The following COL14A1 variants were observed in gnomAD, a reference collection of about 807,000 sequenced individuals.
COL14A1 encodes collagen alpha-1(XIV) chain.
A neutral mutation model predicts 230.3 loss-of-function variants in COL14A1; 136 were observed. The ratio of observed to expected loss-of-function variants is 0.59; its 90% CI spans 0.51 to 0.68. The LOEUF (loss-of-function observed/expected upper bound fraction) is 0.68. Among genes scored for constraint, COL14A1 ranks in the 30% least tolerant of loss-of-function variants. The probability of loss-of-function intolerance (pLI) is 0.00; values close to 1 mark genes in which losing one functional copy is unlikely to be tolerated. For synonymous variants in COL14A1, 792 were observed against 784.1 expected, an observed-to-expected ratio of 1.01 and a Z score of -0.17; for missense variants, 1,976 against 2,215.8, an observed-to-expected ratio of 0.89 and a Z score of 2.17.
intron 8 of COL14A1, 101 bp from the exon 9 acceptor site, chr8:120,203,608 T>C: frequency 3.2e-6 from 3 of 931,322 alleles, no homozygotes; most frequent in Non-Finnish European, 4.8e-6. Flanking sequence ...ATGCTTTGAC[T>C]GCAGTGAAGA....
intron 26 of COL14A1, among the ~76,000 whole-genome samples, chr8:120,272,635 G>A (rs1819704301): frequency 6.6e-6 from 1 of 150,918 alleles, no homozygotes; most frequent in Admixed American, 6.6e-5. Flanking sequence ...AAGCAAGCAG[G>A]AGTAGCAATT....
chr8:120,234,435 T>C (rs1299237730), intron 19 of COL14A1, among the ~76,000 whole-genome samples: 1 of 152,220 alleles, frequency 6.6e-6, no homozygotes, highest in Non-Finnish European at 1.5e-5. Flanking sequence ...TTCAGTATGA[T>C]ATTGACTGTG....
chr8:120,363,840 G>T (rs1017828170), intron 45 of COL14A1, among the ~76,000 whole-genome samples: 1 of 152,118 alleles, frequency 6.6e-6, no homozygotes. Context: ...TCACTCATTT[G>T]TTCTTTCATT....
In COL14A1 at chr8:120,203,838, C is replaced by T; in HGVS notation, c.1007C>T (p.Ser336Phe). The T allele has an allele frequency of 1.2e-6, 2 of 1,613,782 alleles. No homozygotes were observed. The highest frequency in any genetic ancestry group is 4.5e-5 in the East Asian group (2 of 44,864). Residue 336 changes from serine (S) to phenylalanine (F), a missense_variant, in exon 9 of 48, where the codon TCT (serine) becomes TTT (phenylalanine). Around this residue, in one of 3 missense-constraint regions of COL14A1, gnomAD observed 1,791 missense variants for 2,019.5 expected, o/e 0.89. Transcript: ENST00000297848. ...GAGAGTCTGACCAGGACTCTCTGCT[C>T]TAGAGTGGAAGAACAGGACAGAGAA... ...VVESLTRTLCSRVEEQDREIK... is the reference protein window; with the variant it reads ...VVESLTRTLCFRVEEQDREIK...
intron 40 of COL14A1, among the ~76,000 whole-genome samples, chr8:120,318,173 T>C (rs1821301952): frequency 6.6e-6 from 1 of 152,240 alleles, no homozygotes; most frequent in South Asian, 2.1e-4. Flanking sequence ...ATATTTTTAA[T>C]CAATCAGCCG....
Position 120,164,522 on chromosome 8 carries a change from T to A in COL14A1, c.349+1953T>A, listed in dbSNP as rs1281895310. 5.9e-5 allele frequency among the ~76,000 whole-genome samples: 9 copies of A among 152,268 alleles called. 1 individual carries two copies. Among genetic ancestry groups the A allele is most frequent in the Admixed American group, 5.9e-4 (9 of 15,294 alleles). Reference sequence around the variant, plus strand: ...TTTAAATTGGAAAAATCGCAATTACTTTTGCACCAACCCAATATTTTGTGA... The same window carrying A: ...TTTAAATTGGAAAAATCGCAATTACATTTGCACCAACCCAATATTTTGTGA... On this transcript the variant is annotated intron_variant, in intron 4 of 47. Transcript: ENST00000297848.
intron 24 of COL14A1, 47 bp downstream of exon 24, chr8:120,263,061 A>G (rs1819390961): frequency 6.6e-7 from 1 of 1,511,598 alleles, no homozygotes. Flanking sequence ...ATGAACAAAC[A>G]GAATTTCAGG....
chr8:120,346,628 T>C (rs1459059753), intron 45 of COL14A1, among the ~76,000 whole-genome samples: 1 of 152,246 alleles, frequency 6.6e-6, no homozygotes, highest in Non-Finnish European at 1.5e-5. Flanking sequence ...TTTCCCTCTT[T>C]GGAAATGTCC....
chr8:120,257,525 C>T (rs1819195351), intron 23 of COL14A1, among the ~76,000 whole-genome samples: 1 of 152,126 alleles, frequency 6.6e-6, no homozygotes, highest in African/African-American at 2.4e-5. Context: ...AATAGTCTTC[C>T]TACTTTGGAA....
At chr8:120,302,611 G>A (rs750952661) in intron 36 of COL14A1, among the ~76,000 whole-genome samples, 1 of 152,030 alleles carries the variant, frequency 6.6e-6, no homozygotes, top group Non-Finnish European at 1.5e-5. Flanking sequence ...GTCTGTTTTT[G>A]TACCAGTACC....
intron 5 of COL14A1, among the ~76,000 whole-genome samples, chr8:120,171,658 C>T (rs1816098032): frequency 6.6e-6 from 1 of 152,158 alleles, no homozygotes; most frequent in African/African-American, 2.4e-5. Flanking sequence ...TGTCTTTTAT[C>T]TTTGGGGTTC....
intron 40 of COL14A1, among the ~76,000 whole-genome samples, chr8:120,322,356 C>T (rs1455160067): frequency 1.3e-5 from 2 of 152,072 alleles, no homozygotes; most frequent in African/African-American, 4.8e-5. Context: ...CCTGCACATC[C>T]TGCACATGCA....
At chr8:120,363,077 T>C (rs1823280403) in intron 45 of COL14A1, among the ~76,000 whole-genome samples, 1 of 152,150 alleles carries the variant, frequency 6.6e-6, no homozygotes, top group African/African-American at 2.4e-5. Flanking sequence ...AGTATAAAAA[T>C]GAAGCTTCAG....
At chr8:120,349,088 G>A (rs192609825) in intron 45 of COL14A1, among the ~76,000 whole-genome samples, 5 of 152,162 alleles carry the variant, frequency 3.3e-5, no homozygotes, top group African/African-American at 7.2e-5. Flanking sequence ...CCCTGACCCC[G>A]AGCAGGCTAA....
chr8:120,228,684 A>AT, intron 17 of COL14A1, 26 bp from the exon 18 acceptor site: 1 of 1,594,338 alleles, frequency 6.3e-7, no homozygotes, highest in Non-Finnish European at 8.6e-7. Context: ...TTTTTGCAGC[A>AT]TTTTAAAGTA....
chr8:120,124,908 G>A (rs977401396), upstream of COL14A1, among the ~76,000 whole-genome samples: 33 of 152,166 alleles, frequency 2.2e-4, no homozygotes, highest in Non-Finnish European at 4.4e-4. Context: ...TGGGGGGACC[G>A]CCAGGTTCGG....
chr8:120,357,968 A>T (rs1328282718), intron 45 of COL14A1, among the ~76,000 whole-genome samples: 1 of 152,216 alleles, frequency 6.6e-6, no homozygotes, highest in East Asian at 1.9e-4. Flanking sequence ...TCCATTTTCA[A>T]ACCAAACACA....
chr8:120,230,036 G>A lies in COL14A1; in HGVS notation c.2197+1267G>A, dbSNP rs151059621. ...GCTGGGACTACAGACATGTGTCATCGTGCCTGGCTAATCGTTTTGAATTTT... is the reference window on the plus strand; with the variant it reads ...GCTGGGACTACAGACATGTGTCATCATGCCTGGCTAATCGTTTTGAATTTT... On this transcript the variant is annotated intron_variant, in intron 18 of 47. Coordinates refer to ENST00000297848, the MANE Select transcript of COL14A1 (RefSeq NM_021110.4). Among the ~76,000 whole-genome samples, 237 of 152,072 alleles carry A rather than the reference G, an allele frequency of 1.6e-3. 1 individual carries two copies. Among genetic ancestry groups the A allele is most frequent in the African/African-American group, 5.4e-3 (225 of 41,498 alleles).
At position 120,216,488 on chromosome 8, in the gene COL14A1, GAGGT is replaced by G; in HGVS notation, c.1737_1737+3del. On this transcript the variant is annotated splice_donor_variant and coding_sequence_variant, in exon 14 of 48. Transcript: ENST00000297848. LOFTEE classifies it high-confidence loss of function. ...CAATGCAGATGGGACTGAAATCAATGAGGTAAGTTCCGGGACATAATGTATATTT... is the reference window on the plus strand; with the variant it reads ...CAATGCAGATGGGACTGAAATCAATGAAGTTCCGGGACATAATGTATATTT... 6.2e-7 allele frequency: 1 copy of G among 1,608,402 alleles called. No individual in the cohort carries two copies. Among genetic ancestry groups the G allele is most frequent in the South Asian group, 1.1e-5 (1 of 89,148 alleles).
Sources: allele counts gnomAD v4.1 joint callset (sites outside exome capture counted in the v4.1 genomes callset), GRCh38; gene constraint gnomAD v4.1.1; regional missense constraint gnomAD v4.1.1; transcripts MANE v1.5; gene names NCBI Gene and HGNC (gene_info 2026-07-23, HGNC 2026-07-21).